LINGO2: variants seen among roughly 807,000 people sequenced by gnomAD.
LINGO2 encodes the protein leucine-rich repeat and immunoglobulin-like domain-containing nogo receptor-interacting protein 2.
LINGO2 carries 14 observed loss-of-function variants against 30.6 expected under a neutral mutation model. The observed-to-expected ratio is 0.46, with a 90% CI of 0.30 to 0.72. The LOEUF (loss-of-function observed/expected upper bound fraction) is 0.72. Ranked by LOEUF, LINGO2 falls within the 30% of genes least tolerant of loss-of-function variation. The pLI is 0.07. For synonymous variants in LINGO2, 317 were observed against 288.5 expected (o/e 1.10, Z -1.00); for missense variants, 729 against 751.7 (o/e 0.97, Z 0.35).
chr9:29,189,073 TCC>T, the LINGO2 span, among the ~76,000 whole-genome samples: 3 of 84,524 alleles, frequency 3.5e-5, no homozygotes, highest in African/African-American at 1.2e-4. Flanking sequence ...CCCCCCCACC[TCC>T]ATCCCGGACG....
intron 3 of LINGO2, among the ~76,000 whole-genome samples, chr9:28,310,001 T>A (rs930971016): frequency 6.6e-6 from 1 of 152,120 alleles, no homozygotes; most frequent in Non-Finnish European, 1.5e-5. Flanking sequence ...AGGCTTATCT[T>A]ACCAAGTGTT....
chr9:28,169,859 C>T (rs947724101), intron 4 of LINGO2, among the ~76,000 whole-genome samples: 11 of 152,180 alleles, frequency 7.2e-5, no homozygotes, highest in African/African-American at 2.4e-4. Context: ...TTGCTTCCTT[C>T]CCAAATATCT....
chr9:28,582,813 C>T (rs189207921), intron 1 of LINGO2, among the ~76,000 whole-genome samples: 8 of 152,110 alleles, frequency 5.3e-5, no homozygotes, highest in East Asian at 3.9e-4. Context: ...CAAACATTTG[C>T]GAACCTTTTT....
At chr9:29,200,687 G>A in the LINGO2 span, among the ~76,000 whole-genome samples, 1 of 151,982 alleles carries the variant, frequency 6.6e-6, no homozygotes, top group South Asian at 2.1e-4. Flanking sequence ...AAGTTACATT[G>A]CCGTTAACTA....
intron 1 of LINGO2, among the ~76,000 whole-genome samples, chr9:28,594,626 C>T (rs1011116255): frequency 3.9e-5 from 6 of 151,994 alleles, no homozygotes; most frequent in Non-Finnish European, 7.4e-5. Context: ...GTATATAAGG[C>T]GCACTATTTC....
the LINGO2 span, among the ~76,000 whole-genome samples, chr9:28,683,885 T>C: frequency 2.6e-5 from 4 of 152,152 alleles, no homozygotes; most frequent in African/African-American, 9.7e-5. Context: ...TTTTCTCTCT[T>C]TCCCGCATTG....
chr9:28,027,826 T>C (rs1411771627), intron 4 of LINGO2, among the ~76,000 whole-genome samples: 1 of 152,104 alleles, frequency 6.6e-6, no homozygotes, highest in African/African-American at 2.4e-5. Flanking sequence ...AGACAGCAAT[T>C]GGTAGTGATG....
intron 1 of LINGO2, among the ~76,000 whole-genome samples, chr9:28,517,496 ACT>A (rs1007936355): frequency 7.2e-5 from 11 of 152,214 alleles, no homozygotes; most frequent in Admixed American, 2.0e-4. Context: ...GGAGGAAGAC[ACT>A]ATTAGGAAAA....
chr9:29,134,511 T>C, the LINGO2 span, among the ~76,000 whole-genome samples: 115 of 152,212 alleles, frequency 7.6e-4, 2 homozygotes, highest in East Asian at 0.016. Flanking sequence ...ACATATATAA[T>C]AGCCAGTGAC....
At chr9:29,010,697 T>A in the LINGO2 span, among the ~76,000 whole-genome samples, 1 of 152,122 alleles carries the variant, frequency 6.6e-6, no homozygotes, top group Non-Finnish European at 1.5e-5. Flanking sequence ...AGATAATTTT[T>A]TCTTGCAAAT....
chr9:28,519,711 T>G (rs1820759910), intron 1 of LINGO2, among the ~76,000 whole-genome samples: 1 of 152,168 alleles, frequency 6.6e-6, no homozygotes. Context: ...AAGAAAACCT[T>G]TCTGCAAGGC....
intron 1 of LINGO2, among the ~76,000 whole-genome samples, chr9:28,564,542 G>C (rs2135565110): frequency 6.6e-6 from 1 of 152,132 alleles, no homozygotes; most frequent in African/African-American, 2.4e-5. Context: ...AATCTACTAA[G>C]AGCACTGTTG....
intron 4 of LINGO2, among the ~76,000 whole-genome samples, chr9:28,212,479 G>T (rs1321803698): frequency 1.3e-5 from 2 of 151,220 alleles, no homozygotes; most frequent in African/African-American, 4.8e-5. Context: ...CTTTCATTCT[G>T]TTCATGTACG....
At chr9:28,492,690 C>T (rs892051468) in intron 1 of LINGO2, among the ~76,000 whole-genome samples, 4 of 152,146 alleles carry the variant, frequency 2.6e-5, no homozygotes, top group African/African-American at 9.7e-5. Context: ...GATCCCTAAA[C>T]ATAAATGAGT....
chr9:29,073,260 A>G, the LINGO2 span, among the ~76,000 whole-genome samples: 4 of 152,180 alleles, frequency 2.6e-5, no homozygotes, highest in Admixed American at 1.3e-4. Context: ...AGTTGATATT[A>G]GAACAAAATA....
the LINGO2 span, among the ~76,000 whole-genome samples, chr9:28,838,602 C>T: frequency 6.6e-6 from 1 of 152,084 alleles, no homozygotes; most frequent in Admixed American, 6.5e-5. Flanking sequence ...AGCTAATAAT[C>T]TGGGGGTCAT....
intron 2 of LINGO2, among the ~76,000 whole-genome samples, chr9:28,373,900 CA>C (rs5897288): frequency 0.23 from 20,978 of 92,896 alleles, 1,452 homozygotes; most frequent in Admixed American, 0.28. Flanking sequence ...AACTCCATCT[CA>C]AAAAAAAAAA....
At chr9:27,943,008 CTT>C in the LINGO2 span, 3 of 152,128 alleles carry the variant, frequency 2.0e-5, no homozygotes, top group Non-Finnish European at 4.4e-5. Context: ...ATTCCAATCT[CTT>C]GTTATCACAC....
At chr9:28,789,680 G>A in the LINGO2 span, among the ~76,000 whole-genome samples, 1 of 152,078 alleles carries the variant, frequency 6.6e-6, no homozygotes, top group Non-Finnish European at 1.5e-5. Flanking sequence ...AGACATAGAG[G>A]GAGAAATGGA....
Sources: allele counts gnomAD v4.1 joint callset (sites outside exome capture counted in the v4.1 genomes callset), GRCh38; gene constraint gnomAD v4.1.1; transcripts MANE v1.5; gene names NCBI Gene and HGNC (gene_info 2026-07-23, HGNC 2026-07-21).